Variants in ZC3H3 observed in about 807,000 individuals in gnomAD.
The protein encoded by ZC3H3 is zinc finger CCCH-type containing 3, also known as zinc finger CCCH domain-containing protein 3.
In ZC3H3, 36 loss-of-function variants were observed where a neutral mutation model predicts 77.3. The ratio of observed to expected loss-of-function variants is 0.47; its 90% CI spans 0.36 to 0.61. ZC3H3 has a LOEUF of 0.61. Ranked by LOEUF, ZC3H3 falls within the 20% of genes least tolerant of loss-of-function variation. The probability of loss-of-function intolerance (pLI) is 0.00; values close to 1 mark genes in which losing one functional copy is unlikely to be tolerated. For synonymous variants in ZC3H3, 626 were observed against 555.2 expected (o/e 1.13, Z -1.79); for missense variants, 1,331 against 1,312.2 (o/e 1.01, Z -0.22).
intron 4 of ZC3H3, 46 bp from the exon 5 acceptor site, chr8:143,475,631 T>A: frequency 6.6e-7 from 1 of 1,517,708 alleles, no homozygotes; most frequent in South Asian, 1.3e-5. Flanking sequence ...CAGGACAGAC[T>A]ACAGCTCTGA....
intron 9 of ZC3H3, 95 bp downstream of exon 9, chr8:143,465,622 G>A: frequency 6.5e-7 from 1 of 1,548,706 alleles, no homozygotes; most frequent in Non-Finnish European, 8.7e-7. Context: ...GGCTGCAGAT[G>A]GGTCATCCAG....
intron 3 of ZC3H3, among the ~76,000 whole-genome samples, chr8:143,514,929 GC>G (rs1433106876): frequency 6.6e-6 from 1 of 152,220 alleles, no homozygotes; most frequent in Non-Finnish European, 1.5e-5. Context: ...AGGCCCGGCC[GC>G]CGCATCTGCT....
intron 10 of ZC3H3, 41 bp downstream of exon 10, chr8:143,440,895 G>A (rs368183172): frequency 2.2e-6 from 3 of 1,359,146 alleles, no homozygotes; most frequent in Non-Finnish European, 1.9e-6. Flanking sequence ...CAGGGAGGGG[G>A]CCACCCAGGC....
At chr8:143,438,165 C>A in intron 11 of ZC3H3, 78 bp from the exon 12 acceptor site, 1 of 1,541,388 alleles carries the variant, frequency 6.5e-7, no homozygotes, top group Non-Finnish European at 8.8e-7. Context: ...CCTGATCGGG[C>A]TCAGGATCGG....
chr8:143,539,676 C>T (rs1199113368), intron 1 of ZC3H3, among the ~76,000 whole-genome samples: 3 of 152,220 alleles, frequency 2.0e-5, no homozygotes, highest in African/African-American at 7.2e-5. Flanking sequence ...CAATGATCCC[C>T]TCTGCACTGT....
At chr8:143,446,391 C>T (rs1006291669) in intron 9 of ZC3H3, among the ~76,000 whole-genome samples, 1 of 152,200 alleles carries the variant, frequency 6.6e-6, no homozygotes, top group Non-Finnish European at 1.5e-5. Context: ...ACAGAGAAGA[C>T]ATGTGACTAA....
intron 5 of ZC3H3, among the ~76,000 whole-genome samples, chr8:143,473,885 T>C (rs1325220328): frequency 6.6e-6 from 1 of 152,088 alleles, no homozygotes; most frequent in Non-Finnish European, 1.5e-5. Context: ...TATACTTCAC[T>C]CAGGGAAATG....
intron 4 of ZC3H3, among the ~76,000 whole-genome samples, chr8:143,501,578 C>T (rs112441053): frequency 1.3e-5 from 2 of 152,142 alleles, no homozygotes; most frequent in East Asian, 3.9e-4. Flanking sequence ...TGCCTGGCCA[C>T]GGGGCGCTGG....
intron 3 of ZC3H3, among the ~76,000 whole-genome samples, chr8:143,515,502 C>A (rs921204833): frequency 1.3e-5 from 2 of 152,266 alleles, no homozygotes; most frequent in African/African-American, 4.8e-5. Context: ...ACGGGAGGCT[C>A]AGGCTCTCCC....
rs1362111006 is a variant in ZC3H3 at position 143,493,058 on chromosome 8, TCCCGTGTCCTGG to T, written c.1715+14676_1715+14687del. On this transcript the variant is annotated intron_variant, in intron 4 of 11. Transcript: ENST00000262577. The surrounding 1 kb of genome is among the most constrained non-coding windows in gnomAD (Gnocchi z 4.8). ...TGGCCCAGGGGCTCCCTCCTCAGGGTCCCGTGTCCTGGCCCAGGGGCTCACTCCTCAGGCTCC... is the reference window on the plus strand; with the variant it reads ...TGGCCCAGGGGCTCCCTCCTCAGGGTCCCAGGGGCTCACTCCTCAGGCTCC... Among the ~76,000 whole-genome samples the T allele has an allele frequency of 4.4e-5, 1 of 22,742 alleles. No individual in the cohort carries two copies. The highest frequency in any genetic ancestry group is 1.8e-4 in the African/African-American group (1 of 5,540). The allele number at this position is 22,742 out of a possible 152,430, so 14.9% of individuals were successfully genotyped here.
intron 4 of ZC3H3, among the ~76,000 whole-genome samples, chr8:143,486,269 G>A (rs908656995): frequency 6.6e-6 from 1 of 152,254 alleles, no homozygotes; most frequent in Non-Finnish European, 1.5e-5. Context: ...GGGCGCCTAC[G>A]GCTGCCTGGC....
At chr8:143,458,419 G>A (rs555420760) in intron 9 of ZC3H3, among the ~76,000 whole-genome samples, 1 of 148,116 alleles carries the variant, frequency 6.8e-6, no homozygotes, top group South Asian at 2.1e-4. Flanking sequence ...GGCAGAGGTG[G>A]GAGGATCACT....
chr8:143,505,931 C>T (rs1821678552), intron 4 of ZC3H3, among the ~76,000 whole-genome samples: 1 of 152,230 alleles, frequency 6.6e-6, no homozygotes, highest in African/African-American at 2.4e-5. Context: ...CCGCTCCCTG[C>T]AGGGCAGCTG....
At chr8:143,447,659 T>C (rs953267399) in intron 9 of ZC3H3, among the ~76,000 whole-genome samples, 5 of 152,204 alleles carry the variant, frequency 3.3e-5, no homozygotes, top group African/African-American at 4.8e-5. Flanking sequence ...CATCTGCTTC[T>C]GGGGAGGCCT....
At chr8:143,457,504 G>T (rs913727912) in intron 9 of ZC3H3, among the ~76,000 whole-genome samples, 1 of 152,142 alleles carries the variant, frequency 6.6e-6, no homozygotes, top group East Asian at 1.9e-4. Flanking sequence ...GGCTGAGGCG[G>T]ATGGACTCTT....
At chr8:143,482,709 C>T (rs73715618) in intron 4 of ZC3H3, among the ~76,000 whole-genome samples, 1 of 152,194 alleles carries the variant, frequency 6.6e-6, no homozygotes, top group South Asian at 2.1e-4. Context: ...GCCCTGAGAG[C>T]TCCGAGAAGG....
rs562010083 is a variant in ZC3H3, at chr8:143,493,824, T to C, written c.1715+13922A>G. Among the ~76,000 whole-genome samples the C allele has an allele frequency of 5.7e-4, 87 of 152,230 alleles. No homozygotes were observed. The highest frequency in any genetic ancestry group is 1.2e-3 in the Non-Finnish European group (79 of 68,040). ...ATAATTTCAGAGGCCAGTAATATTT[T>C]ATATAATCGCCGAGTGGTTTAAATT... On this transcript the variant is annotated intron_variant, in intron 4 of 11. Coordinates refer to ENST00000262577, the MANE Select transcript of ZC3H3 (RefSeq NM_015117.3). The surrounding 1 kb of genome is among the most constrained non-coding windows in gnomAD (Gnocchi z 4.8).
In ZC3H3 at chr8:143,538,937, C is replaced by A; in HGVS notation, c.430G>T (p.Gly144Cys). The change falls in exon 2 of 12, where the codon GGC becomes TGC. Residue 144 changes from glycine (G) to cysteine (C), a missense_variant. Around this residue, in one of 3 missense-constraint regions of ZC3H3, gnomAD observed 978 missense variants for 915.5 expected, o/e 1.07. Transcript: ENST00000262577. ...GSASASGAQR[G>C]SLEEFEETPW... ...GTTTCCTCAAATTCTTCCAAAGAGC[C>A]CCGCTGGGCCCCTGAGGCACTGGCA... 1 of 1,613,036 alleles carries A rather than the reference C, an allele frequency of 6.2e-7. No individual in the cohort carries two copies.
intron 1 of ZC3H3, among the ~76,000 whole-genome samples, 153 bp from the exon 2 acceptor site, chr8:143,539,473 G>T (rs1822937793): frequency 6.6e-6 from 1 of 152,184 alleles, no homozygotes; most frequent in Non-Finnish European, 1.5e-5. Flanking sequence ...CAGAGCCTGG[G>T]ACTCACTGAC....
Sources: allele counts gnomAD v4.1 joint callset (sites outside exome capture counted in the v4.1 genomes callset), GRCh38; gene constraint gnomAD v4.1.1; regional missense constraint gnomAD v4.1.1; non-coding constraint Gnocchi (gnomAD v3.1); transcripts MANE v1.5; gene names NCBI Gene and HGNC (gene_info 2026-07-23, HGNC 2026-07-21).